The following PTPRM variants were observed in gnomAD, a reference collection of about 807,000 sequenced individuals.
PTPRM encodes receptor-type tyrosine-protein phosphatase mu.
A neutral mutation model predicts 186.7 loss-of-function variants in PTPRM; 47 were observed. That is an observed-to-expected ratio of 0.25 (90% CI 0.20 to 0.32). The LOEUF (loss-of-function observed/expected upper bound fraction) is 0.32, where lower values mean the gene tolerates loss of function less well. Ranked by LOEUF, PTPRM falls within the 10% of genes least tolerant of loss-of-function variation. The pLI, the probability that PTPRM is intolerant of heterozygous loss-of-function variation, is 1.00. For missense variants in PTPRM, 1,494 were observed against 1,865.0 expected (o/e 0.80, Z 3.66); for synonymous variants, 668 against 674.9 (o/e 0.99, Z 0.16).
At chr18:7,804,004 C>G (rs1366345326) in intron 2 of PTPRM, among the ~76,000 whole-genome samples, 1 of 152,154 alleles carries the variant, frequency 6.6e-6, no homozygotes, top group Non-Finnish European at 1.5e-5. Flanking sequence ...TGGATGAAGA[C>G]TCTTTCATCT....
intron 11 of PTPRM, among the ~76,000 whole-genome samples, chr18:8,099,139 T>TCTC (rs1568338568): frequency 4.0e-5 from 6 of 149,614 alleles, no homozygotes; most frequent in African/African-American, 1.5e-4. Flanking sequence ...CACAGTCTCT[T>TCTC]TCTCTCTCTC....
intron 1 of PTPRM, among the ~76,000 whole-genome samples, chr18:7,616,581 C>T (rs1413382659): frequency 6.6e-6 from 1 of 152,070 alleles, no homozygotes. Flanking sequence ...TCAGAAAGGC[C>T]CAGTGTTGTG....
At chr18:8,054,305 A>ATATATG (rs767457477) in intron 7 of PTPRM, among the ~76,000 whole-genome samples, 17 of 143,334 alleles carry the variant, frequency 1.2e-4, no homozygotes, top group Non-Finnish European at 6.0e-5. Context: ...AGTAATATAT[A>ATATATG]TATATATATA....
At chr18:8,065,794 A>G (rs893820173) in intron 7 of PTPRM, among the ~76,000 whole-genome samples, 5 of 152,180 alleles carry the variant, frequency 3.3e-5, no homozygotes, top group African/African-American at 1.2e-4. Flanking sequence ...GAATGCTTGT[A>G]ATGCTGTGCC....
At chr18:7,735,235 A>G (rs2040743202) in intron 1 of PTPRM, among the ~76,000 whole-genome samples, 2 of 152,108 alleles carry the variant, frequency 1.3e-5, no homozygotes, top group South Asian at 4.1e-4. Flanking sequence ...TGGCCAACAT[A>G]GTGACACCCC....
intron 7 of PTPRM, among the ~76,000 whole-genome samples, chr18:7,965,976 T>C (rs891608047): frequency 1.2e-4 from 18 of 152,172 alleles, no homozygotes; most frequent in African/African-American, 4.3e-4. Context: ...AGAAGTAAGA[T>C]AAATGAGAGC....
At chr18:7,714,735 A>G (rs2144807403) in intron 1 of PTPRM, among the ~76,000 whole-genome samples, 1 of 152,312 alleles carries the variant, frequency 6.6e-6, no homozygotes, top group East Asian at 1.9e-4. Context: ...AATACTGTAA[A>G]CACCTCTACG....
Position 8,207,777 on chromosome 18 carries a change from G to GA in PTPRM, c.2301-36275dup, listed in dbSNP as rs1305585451. Among the ~76,000 whole-genome samples, 4 of 152,202 alleles carry GA rather than the reference G, an allele frequency of 2.6e-5. No homozygotes were observed. The East Asian group carries it at 7.7e-4, about 29-fold the overall frequency. On this transcript the variant is annotated intron_variant, in intron 14 of 32. Coordinates refer to ENST00000580170, the MANE Select transcript of PTPRM (RefSeq NM_001105244.2). ...TGTATTTTAACAATTTATTGAGACA[G>GA]AAAAAATAAAATAGGTAGAGTGGAG...
At chr18:8,089,661 C>T (rs537001348) in intron 11 of PTPRM, among the ~76,000 whole-genome samples, 80 of 152,278 alleles carry the variant, frequency 5.3e-4, no homozygotes, top group African/African-American at 1.4e-3. Flanking sequence ...GAAAGATTTA[C>T]ATTGACAATT....
rs559969245 is a variant in PTPRM at position 8,183,147 on chromosome 18, G to A, written c.2300+39368G>A. ...TTCATTGTAAGTCATGGACTTCCTCGTTTCCAAAACCTAAACAAAATAAAC... is the reference window on the plus strand; with the variant it reads ...TTCATTGTAAGTCATGGACTTCCTCATTTCCAAAACCTAAACAAAATAAAC... On this transcript the variant is annotated intron_variant, in intron 14 of 32. Transcript: ENST00000580170. 2.7e-3 allele frequency among the ~76,000 whole-genome samples: 418 copies of A among 152,148 alleles called. 6 individuals are homozygous for A. Among genetic ancestry groups the A allele is most frequent in the Non-Finnish European group, 7.8e-4 (53 of 68,020 alleles).
At chr18:7,738,181 T>C (rs1258369137) in intron 1 of PTPRM, among the ~76,000 whole-genome samples, 1 of 152,202 alleles carries the variant, frequency 6.6e-6, no homozygotes, top group African/African-American at 2.4e-5. Flanking sequence ...AAATACATCT[T>C]TATTAATCAA....
chr18:7,568,425 T>C lies in PTPRM; in HGVS notation c.73+534T>C, dbSNP rs2036486631. ...GTGCCCTGCCCTCCCTGTCGCCCCC[T>C]GCCCGGCGCGGCTGGCGACCCCGGG... On this transcript the variant is annotated intron_variant, in intron 1 of 32. Transcript: ENST00000580170. The surrounding 1 kb of genome is among the most constrained non-coding windows in gnomAD (Gnocchi z 5.1). Among the ~76,000 whole-genome samples the C allele has an allele frequency of 6.6e-6, 1 of 151,464 alleles. No homozygotes were observed. Among genetic ancestry groups the C allele is most frequent in the Non-Finnish European group, 1.5e-5 (1 of 67,804 alleles).
rs553780626 is a variant in PTPRM at position 8,249,503 on chromosome 18, A to T, written c.2554+1327A>T. ...CAGGCTAATCTTAGGCACCAGAACA[A>T]TGTAATCTACATACAAATGACATTT... On this transcript the variant is annotated intron_variant, in intron 17 of 32. Coordinates refer to ENST00000580170, the MANE Select transcript of PTPRM (RefSeq NM_001105244.2). Among the ~76,000 whole-genome samples the T allele has an allele frequency of 2.0e-5, 3 of 152,322 alleles. No homozygotes were observed. In the East Asian group the frequency reaches 5.8e-4, roughly 29 times the overall value.
At chr18:7,913,369 A>G (rs2050383282) in intron 4 of PTPRM, among the ~76,000 whole-genome samples, 1 of 152,150 alleles carries the variant, frequency 6.6e-6, no homozygotes, top group Non-Finnish European at 1.5e-5. Context: ...CCTCCAGTAC[A>G]ATGTTGAATA....
At chr18:8,341,083 G>T (rs1158726271) in intron 22 of PTPRM, among the ~76,000 whole-genome samples, 1 of 152,186 alleles carries the variant, frequency 6.6e-6, no homozygotes, top group Non-Finnish European at 1.5e-5. Context: ...GTGCTGTGAG[G>T]ACAGTGATAA....
intron 1 of PTPRM, among the ~76,000 whole-genome samples, chr18:7,712,581 G>GTT (rs2040236046): frequency 6.6e-6 from 1 of 151,950 alleles, no homozygotes; most frequent in Admixed American, 6.6e-5. Flanking sequence ...CGAACTAAAG[G>GTT]ATCATGTTCT....
In PTPRM at chr18:7,567,516, C is replaced by A; in HGVS notation, c.-303C>A. ...GCAGGGGAAGGGGAGAGGCGGCGAGCTCAGCAACCGGAACCGAGGGAAGAT... is the reference window on the plus strand; with the variant it reads ...GCAGGGGAAGGGGAGAGGCGGCGAGATCAGCAACCGGAACCGAGGGAAGAT... On this transcript the variant is annotated 5_prime_UTR_variant, in exon 1 of 33. Coordinates refer to ENST00000580170, the MANE Select transcript of PTPRM (RefSeq NM_001105244.2). The surrounding 1 kb of genome is among the most constrained non-coding windows in gnomAD (Gnocchi z 4.3). 1 of 286,932 alleles carries A rather than the reference C, an allele frequency of 3.5e-6. No homozygotes were observed. The highest frequency in any genetic ancestry group is 6.4e-6 in the Non-Finnish European group (1 of 156,508). 17.8% of individuals were successfully genotyped at this position (286,932 alleles called of 1,614,324 possible). A position where few individuals can be genotyped will look rare whatever the true frequency, so the allele number is the denominator to read the frequency against.
intron 1 of PTPRM, among the ~76,000 whole-genome samples, chr18:7,658,093 C>T (rs1034790467): frequency 7.2e-5 from 11 of 151,978 alleles, no homozygotes; most frequent in Admixed American, 2.0e-4. Flanking sequence ...ACAGTATTAT[C>T]AGCTGTAGTC....
At chr18:7,609,746 T>C (rs997143794) in intron 1 of PTPRM, among the ~76,000 whole-genome samples, 6 of 152,128 alleles carry the variant, frequency 3.9e-5, no homozygotes, top group African/African-American at 1.2e-4. Flanking sequence ...GAGTGTCTGA[T>C]TACTGCCCAG....
Sources: gnomAD v4.1 joint callset for allele counts (sites outside exome capture counted in the v4.1 genomes callset) on GRCh38, gnomAD v4.1.1 for gene constraint, Gnocchi (gnomAD v3.1) non-coding constraint, MANE v1.5 for transcripts, NCBI Gene and HGNC (gene_info 2026-07-23, HGNC 2026-07-21) for gene names.